Variants in TRDN observed in about 807,000 individuals in gnomAD.
TRDN encodes the protein triadin in skeletal muscle.
In TRDN, 161 loss-of-function variants were observed where a neutral mutation model predicts 149.7. The observed-to-expected ratio is 1.08, with a 90% CI of 0.95 to 1.23. The LOEUF (loss-of-function observed/expected upper bound fraction) is 1.23. Among genes scored for constraint, TRDN ranks in the 50% most tolerant of loss-of-function variants. TRDN has a pLI of 0.00. For synonymous variants in TRDN, 294 were observed against 250.5 expected, an observed-to-expected ratio of 1.17 and a Z score of -1.64; for missense variants, 896 against 823.5, an observed-to-expected ratio of 1.09 and a Z score of -1.08.
chr6:123,321,735 T>C (rs1387211786), intron 23 of TRDN, among the ~76,000 whole-genome samples: 1 of 152,012 alleles, frequency 6.6e-6, no homozygotes, highest in Admixed American at 6.6e-5. Context: ...GTTTCAGATA[T>C]GAGATAAGCC....
chr6:123,279,667 C>G (rs1777514237), intron 24 of TRDN, among the ~76,000 whole-genome samples: 1 of 152,058 alleles, frequency 6.6e-6, no homozygotes, highest in Non-Finnish European at 1.5e-5. Flanking sequence ...TAGTTTCTAG[C>G]TCCACCATTC....
Position 123,377,751 on chromosome 6 carries a change from A to G in TRDN, c.1220-9T>C. The G allele has an allele frequency of 6.2e-7, 1 of 1,613,184 alleles. No individual in the cohort carries two copies. On this transcript the variant is annotated splice_polypyrimidine_tract_variant and intron_variant, in intron 17 of 40. Coordinates refer to ENST00000334268, the MANE Select transcript of TRDN (RefSeq NM_006073.4). ...TTTCTTTGGTGACTTTGCTGTATCA[A>G]AAAGGAAAGAAAAAAAAATCAGCAT...
intron 1 of TRDN, among the ~76,000 whole-genome samples, chr6:123,615,059 A>C (rs749627430): frequency 6.6e-6 from 1 of 152,198 alleles, no homozygotes; most frequent in Non-Finnish European, 1.5e-5. Context: ...AAAATACTCA[A>C]CACCACGAAT....
At chr6:123,550,562 T>C (rs1781331057) in intron 2 of TRDN, among the ~76,000 whole-genome samples, 1 of 151,930 alleles carries the variant, frequency 6.6e-6, no homozygotes. Flanking sequence ...ATGACAGAGA[T>C]TGAGTAATAC....
chr6:123,254,315 T>C (rs1319240264), intron 37 of TRDN, among the ~76,000 whole-genome samples: 2 of 152,158 alleles, frequency 1.3e-5, no homozygotes, highest in East Asian at 3.9e-4. Context: ...ATTTTACGTG[T>C]GAAAGGTATG....
intron 1 of TRDN, among the ~76,000 whole-genome samples, chr6:123,602,113 C>T (rs1451797423): frequency 6.6e-6 from 1 of 152,090 alleles, no homozygotes; most frequent in Non-Finnish European, 1.5e-5. Flanking sequence ...CGTTTACATT[C>T]TAGTGAGGAG....
chr6:123,308,263 G>A (rs1778687990), intron 24 of TRDN, among the ~76,000 whole-genome samples: 1 of 151,116 alleles, frequency 6.6e-6, no homozygotes. Flanking sequence ...ATCCACCATG[G>A]ATGGGCACCT....
intron 2 of TRDN, among the ~76,000 whole-genome samples, chr6:123,564,849 G>A (rs62419183): frequency 0.38 from 58,162 of 152,062 alleles, 13,276 homozygotes; most frequent in East Asian, 0.85. Context: ...TTTGTGGAAT[G>A]CTTGCAAAAA....
intron 1 of TRDN, among the ~76,000 whole-genome samples, chr6:123,584,362 A>T (rs1353044886): frequency 6.8e-6 from 1 of 146,436 alleles, no homozygotes; most frequent in Non-Finnish European, 1.5e-5. Context: ...TAAAAGTATT[A>T]GGGTGGCAGC....
intron 38 of TRDN, among the ~76,000 whole-genome samples, chr6:123,241,608 A>G (rs1375043304): frequency 6.6e-6 from 1 of 151,946 alleles, no homozygotes; most frequent in African/African-American, 2.4e-5. Flanking sequence ...TTGAAAAATC[A>G]CAAAAGTAAG....
At chr6:123,347,833 G>A (rs1388162169) in intron 21 of TRDN, among the ~76,000 whole-genome samples, 1 of 152,054 alleles carries the variant, frequency 6.6e-6, no homozygotes, top group Admixed American at 6.6e-5. Context: ...AAGTAGCCCA[G>A]TCACAGAACA....
intron 8 of TRDN, chr6:123,498,338 A>G (rs752585840): frequency 1.7e-5 from 5 of 293,242 alleles, no homozygotes; most frequent in Admixed American, 4.0e-5. Context: ...TTTTTAGAGT[A>G]GTAACAGCAT....
intron 1 of TRDN, among the ~76,000 whole-genome samples, chr6:123,575,544 A>G (rs1782811109): frequency 6.6e-6 from 1 of 152,126 alleles, no homozygotes; most frequent in African/African-American, 2.4e-5. Flanking sequence ...TTGGTATCTC[A>G]GAATTGGAGC....
chr6:123,573,236 T>A (rs1782668050), intron 1 of TRDN, among the ~76,000 whole-genome samples: 1 of 152,094 alleles, frequency 6.6e-6, no homozygotes, highest in East Asian at 1.9e-4. Context: ...CTAGATCTGA[T>A]GAATGAGATT....
At chr6:123,630,814 T>C (rs1001667292) in intron 1 of TRDN, among the ~76,000 whole-genome samples, 2 of 152,028 alleles carry the variant, frequency 1.3e-5, no homozygotes, top group African/African-American at 4.8e-5. Flanking sequence ...TTGAACAATT[T>C]AAAAAACATA....
intron 26 of TRDN, among the ~76,000 whole-genome samples, chr6:123,277,679 T>C (rs1314865066): frequency 6.6e-6 from 1 of 152,110 alleles, no homozygotes; most frequent in Non-Finnish European, 1.5e-5. Context: ...CACCAGAAGA[T>C]GCAAGGAAGG....
chr6:123,467,903 C>T (rs934501334), intron 9 of TRDN, among the ~76,000 whole-genome samples: 1 of 152,042 alleles, frequency 6.6e-6, no homozygotes, highest in African/African-American at 2.4e-5. Flanking sequence ...GGGTATTAAG[C>T]GATAGCTTCA....
intron 9 of TRDN, among the ~76,000 whole-genome samples, chr6:123,473,413 G>C (rs1347373867): frequency 6.6e-6 from 1 of 151,828 alleles, no homozygotes; most frequent in East Asian, 1.9e-4. Flanking sequence ...AAAAAGAAGT[G>C]AGCAAAGCCT....
chr6:123,484,680 C>T (rs1011291108), intron 9 of TRDN, among the ~76,000 whole-genome samples: 1 of 152,024 alleles, frequency 6.6e-6, no homozygotes, highest in East Asian at 1.9e-4. Context: ...CAAAGCTAGA[C>T]CAAAAAAGCC....
Sources: allele counts gnomAD v4.1 joint callset (sites outside exome capture counted in the v4.1 genomes callset), GRCh38; gene constraint gnomAD v4.1.1; transcripts MANE v1.5; gene names NCBI Gene and HGNC (gene_info 2026-07-23, HGNC 2026-07-21).